Variants in FANCC observed in about 807,000 individuals in gnomAD.
The protein encoded by FANCC is Fanconi anemia group C protein.
FANCC carries 55 observed loss-of-function variants against 71.3 expected under a neutral mutation model. That is an observed-to-expected ratio of 0.77 (90% CI 0.62 to 0.97). The LOEUF (loss-of-function observed/expected upper bound fraction) is 0.97. Ranked by LOEUF, FANCC falls within the 50% of genes least tolerant of loss-of-function variation. The pLI is 0.00. For missense variants in FANCC, 678 were observed against 670.9 expected (o/e 1.01, Z -0.12); for synonymous variants, 275 against 244.9 (o/e 1.12, Z -1.15).
rs928129735 is a variant in FANCC at position 95,287,089 on chromosome 9, T to C, written c.-79+30437A>G. On this transcript the variant is annotated intron_variant, in intron 1 of 14. Coordinates refer to ENST00000289081, the MANE Select transcript of FANCC (RefSeq NM_000136.3). ...GACAATTATAAGCACCGTAAACTTA[T>C]CTCAGTCCCTACAATCCCACTATAC... is the stretch of plus-strand genomic sequence containing the variant. 6.6e-5 allele frequency among the ~76,000 whole-genome samples: 10 copies of C among 152,078 alleles called. No individual in the cohort carries two copies. The East Asian group carries it at 7.7e-4, about 12-fold the overall frequency.
intron 1 of FANCC, among the ~76,000 whole-genome samples, chr9:95,271,927 CTTT>C (rs869093626): frequency 4.6e-4 from 23 of 50,508 alleles, no homozygotes; most frequent in East Asian, 1.3e-3. Flanking sequence ...CAAGCCTCTT[CTTT>C]TTTTTTTTTT....
At chr9:95,135,588 A>ATTGGATTAGTGAT in intron 7 of FANCC, 86 bp from the exon 8 acceptor site, 1 of 1,148,124 alleles carries the variant, frequency 8.7e-7, no homozygotes, top group Non-Finnish European at 1.3e-6. Context: ...GCAATCACTA[A>ATTGGATTAGTGAT]TCCAATTTGT....
chr9:95,291,117 C>T (rs1436752026), intron 1 of FANCC, among the ~76,000 whole-genome samples: 1 of 152,110 alleles, frequency 6.6e-6, no homozygotes, highest in African/African-American at 2.4e-5. Context: ...CACAACTAAC[C>T]ATACCGACTG....
At chr9:95,272,566 A>G (rs1355683217) in intron 1 of FANCC, among the ~76,000 whole-genome samples, 2 of 152,040 alleles carry the variant, frequency 1.3e-5, no homozygotes, top group African/African-American at 2.4e-5. Context: ...GCGTGGTGTC[A>G]TATGTCTGTA....
chr9:95,195,152 G>A (rs891861543), intron 4 of FANCC, among the ~76,000 whole-genome samples: 2 of 141,690 alleles, frequency 1.4e-5, no homozygotes, highest in African/African-American at 5.5e-5. Flanking sequence ...GAGCCAAGAT[G>A]GCGCCACTGC....
intron 1 of FANCC, among the ~76,000 whole-genome samples, chr9:95,255,135 C>T (rs1401964199): frequency 1.3e-5 from 2 of 152,104 alleles, no homozygotes; most frequent in African/African-American, 4.8e-5. Context: ...GCAGCTATAG[C>T]AGAATTAAAC....
chr9:95,113,844 G>A (rs1160442030), intron 12 of FANCC: 2 of 152,160 alleles, frequency 1.3e-5, no homozygotes, highest in Non-Finnish European at 2.9e-5. Context: ...GGATGGTCTC[G>A]ATCTCCTGAC....
At chr9:95,118,850 G>A (rs1028538250) in intron 10 of FANCC, among the ~76,000 whole-genome samples, 14 of 152,164 alleles carry the variant, frequency 9.2e-5, no homozygotes, top group Non-Finnish European at 2.1e-4. Flanking sequence ...CCAGTTTGGG[G>A]CTGTCATGAA....
intron 6 of FANCC, among the ~76,000 whole-genome samples, chr9:95,156,305 T>C (rs1021883672): frequency 2.0e-5 from 3 of 152,180 alleles, no homozygotes; most frequent in Non-Finnish European, 4.4e-5. Flanking sequence ...TATGATACAA[T>C]CAGTAAAATT....
chr9:95,158,346 A>C (rs906142478), intron 6 of FANCC, among the ~76,000 whole-genome samples: 1 of 152,228 alleles, frequency 6.6e-6, no homozygotes, highest in Non-Finnish European at 1.5e-5. Context: ...TTAATTTTAG[A>C]TCTAAAACCA....
intron 4 of FANCC, among the ~76,000 whole-genome samples, chr9:95,180,339 C>CTTTTTTTT (rs34697587): frequency 2.4e-5 from 2 of 82,164 alleles, no homozygotes; most frequent in Non-Finnish European, 4.5e-5. Context: ...ACAGTTAACT[C>CTTTTTTTT]TTTTTTTTTT....
At chr9:95,271,767 T>TC (rs2136219688) in intron 1 of FANCC, among the ~76,000 whole-genome samples, 1 of 152,024 alleles carries the variant, frequency 6.6e-6, no homozygotes, top group South Asian at 2.1e-4. Flanking sequence ...ACCAAAGGTT[T>TC]CCACATTAGG....
intron 1 of FANCC, among the ~76,000 whole-genome samples, chr9:95,285,427 T>C (rs1833633402): frequency 6.6e-6 from 1 of 152,336 alleles, no homozygotes; most frequent in East Asian, 1.9e-4. Context: ...ATGCCAATAA[T>C]AGATGTGAAT....
intron 6 of FANCC, among the ~76,000 whole-genome samples, chr9:95,158,615 G>A (rs571685815): frequency 1.3e-5 from 2 of 152,174 alleles, no homozygotes; most frequent in South Asian, 2.1e-4. Context: ...AATAAAAACC[G>A]TAAATAAAAT....
intron 10 of FANCC, among the ~76,000 whole-genome samples, chr9:95,117,892 T>G (rs1460225663): frequency 6.6e-6 from 1 of 152,122 alleles, no homozygotes. Context: ...CTACTAATTT[T>G]GTACTTTTTA....
chr9:95,251,212 T>G (rs1463626784), intron 1 of FANCC, among the ~76,000 whole-genome samples: 1 of 152,228 alleles, frequency 6.6e-6, no homozygotes, highest in Non-Finnish European at 1.5e-5. Flanking sequence ...CAAAAAATAC[T>G]GAATTAAGGA....
At chr9:95,132,204 G>A (rs1281258504) in intron 8 of FANCC, among the ~76,000 whole-genome samples, 6 of 152,118 alleles carry the variant, frequency 3.9e-5, no homozygotes, top group South Asian at 2.1e-4. Context: ...GGTACCTTCC[G>A]GCCCTGGCAT....
intron 13 of FANCC, chr9:95,110,959 T>C: frequency 2.9e-6 from 4 of 1,395,476 alleles, no homozygotes; most frequent in Non-Finnish European, 3.7e-6. Context: ...TAATATCATC[T>C]GATTACTTTA....
At chr9:95,186,996 G>C (rs974680878) in intron 4 of FANCC, among the ~76,000 whole-genome samples, 1 of 152,048 alleles carries the variant, frequency 6.6e-6, no homozygotes, top group African/African-American at 2.4e-5. Context: ...TTCACCACAT[G>C]GTCTCAAACT....
Sources: allele counts gnomAD v4.1 joint callset (sites outside exome capture counted in the v4.1 genomes callset), GRCh38; gene constraint gnomAD v4.1.1; transcripts MANE v1.5; gene names NCBI Gene and HGNC (gene_info 2026-07-23, HGNC 2026-07-21).